The following SERPINB13 variants were observed in gnomAD, a reference collection of about 807,000 sequenced individuals.
SERPINB13 encodes serpin family B member 13.
SERPINB13 carries 26 observed loss-of-function variants against 31.2 expected under a neutral mutation model. The ratio of observed to expected loss-of-function variants is 0.83; its 90% CI spans 0.61 to 1.15. SERPINB13 has a LOEUF of 1.15. Among genes scored for constraint, SERPINB13 ranks in the 50% most tolerant of loss-of-function variants. The pLI is 0.00. For missense variants in SERPINB13, 510 were observed against 469.4 expected, an observed-to-expected ratio of 1.09 and a Z score of -0.80; for synonymous variants, 191 against 172.4, an observed-to-expected ratio of 1.11 and a Z score of -0.85.
intron 3 of SERPINB13, among the ~76,000 whole-genome samples, chr18:63,590,740 T>C (rs1307923495): frequency 6.6e-6 from 1 of 152,226 alleles, no homozygotes; most frequent in African/African-American, 2.4e-5. Flanking sequence ...TTCAGCTTTG[T>C]GTAAGGCAAA....
Position 63,595,158 on chromosome 18 carries a change from C to T in SERPINB13, c.745C>T (p.Pro249Ser). 1 of 1,613,352 alleles carries T rather than the reference C, an allele frequency of 6.2e-7. No individual in the cohort carries two copies. The highest frequency in any genetic ancestry group is 2.2e-5 in the East Asian group (1 of 44,872). Residue 249 changes from proline to serine, a missense_variant, in exon 7 of 8, where the codon CCC becomes TCC. Transcript: ENST00000344731. ...CGACCTAAGCATGTTTGTGCTTCTG[C>T]CCAACGACATCGATGGCCTGGAGAA... is the stretch of plus-strand genomic sequence containing the variant. ...NNDLSMFVLLPNDIDGLEKII... is the reference protein window; with the variant it reads ...NNDLSMFVLLSNDIDGLEKII...
At position 63,597,288 on chromosome 18, in the gene SERPINB13, T is replaced by C. The variant is rs1013679760; in HGVS notation, c.1101T>C (p.Asn367=). 5.6e-6 allele frequency: 9 copies of C among 1,614,102 alleles called. No individual in the cohort carries two copies. In the African/African-American group the frequency reaches 1.2e-4, roughly 22 times the overall value. ...CAGGTCATGAAAATGTTCACTGCAA[T>C]CATCCCTTCCTGTTCTTCATCAGGC... ...SAPGHENVHC[N]HPFLFFIRHN... is the part of the protein sequence containing the mutation. Residue 367 remains asparagine (N), a synonymous_variant, in exon 8 of 8, where the codon AAT becomes AAC. Transcript: ENST00000344731.
intron 7 of SERPINB13, among the ~76,000 whole-genome samples, chr18:63,596,150 C>T (rs1202825771): frequency 6.6e-6 from 1 of 152,074 alleles, no homozygotes; most frequent in Non-Finnish European, 1.5e-5. Context: ...GGGTCTAGGA[C>T]ATAGAAAGCA....
At chr18:63,588,159 A>T (rs1280836723) in intron 1 of SERPINB13, among the ~76,000 whole-genome samples, 1 of 152,182 alleles carries the variant, frequency 6.6e-6, no homozygotes, top group African/African-American at 2.4e-5. Context: ...TCAGATAAGG[A>T]TTCAAGTCTC....
At chr18:63,590,285 G>A (rs184291972) in intron 3 of SERPINB13, among the ~76,000 whole-genome samples, 37 of 152,190 alleles carry the variant, frequency 2.4e-4, no homozygotes, top group South Asian at 4.1e-4. Context: ...TCCTGTATTC[G>A]CCATCCAAAG....
rs533391718 is a variant in SERPINB13 at position 63,598,140 on chromosome 18, C to T, written c.*777C>T. On this transcript the variant is annotated 3_prime_UTR_variant, in exon 8 of 8. Transcript: ENST00000344731. Reference sequence around the variant, plus strand: ...TTTTTTTTTTTTTTTGAGTGAGGTACGAGTATTACCAAATGATATTTTCTG... The same window carrying T: ...TTTTTTTTTTTTTTTGAGTGAGGTATGAGTATTACCAAATGATATTTTCTG... 54 of 146,038 alleles carry T rather than the reference C, an allele frequency of 3.7e-4. No homozygotes were observed. Among genetic ancestry groups the T allele is most frequent in the African/African-American group, 1.2e-3 (46 of 39,556 alleles). The allele number at this position is 146,038 out of a possible 1,614,324, so 9.0% of individuals were successfully genotyped here.
In SERPINB13 at chr18:63,587,418, G is replaced by C. The variant is rs1180941488; in HGVS notation, c.-50G>C. ...ATTGACTTATGCTTCCTAGTTCGTTGCCCAGCCACCACCGTCTCTCCAAAA... is the reference window on the plus strand; with the variant it reads ...ATTGACTTATGCTTCCTAGTTCGTTCCCCAGCCACCACCGTCTCTCCAAAA... On this transcript the variant is annotated 5_prime_UTR_variant, in exon 1 of 8. Transcript: ENST00000344731. 1 of 470,856 alleles carries C rather than the reference G, an allele frequency of 2.1e-6. No homozygotes were observed. Among genetic ancestry groups the C allele is most frequent in the Non-Finnish European group, 4.4e-6 (1 of 226,974 alleles). 29.2% of individuals were successfully genotyped at this position (470,856 alleles called of 1,614,324 possible).
At position 63,588,672 on chromosome 18, in the gene SERPINB13, A is replaced by C. The variant is rs766607889; in HGVS notation, c.5A>C (p.Asp2Ala). Residue 2 changes from aspartate to alanine, a missense_variant, in exon 2 of 8, where the codon GAT becomes GCT. By Grantham distance (126) the Asp-to-Ala change is moderately radical. Transcript: ENST00000344731. M[D>A]SLGAVSTRLG... ...CTAGGTCTCGCTAAAATCATCATGG[A>C]TTCACTTGGCGCCGTCAGCACTCGA... is the stretch of plus-strand genomic sequence containing the variant. 1 of 1,614,118 alleles carries C rather than the reference A, an allele frequency of 6.2e-7. No homozygotes were observed. The highest frequency in any genetic ancestry group is 8.5e-7 in the Non-Finnish European group (1 of 1,179,984).
Position 63,589,685 on chromosome 18 carries a change from C to G in SERPINB13, c.195C>G (p.Ser65Arg), listed in dbSNP as rs780254203. Residue 65 changes from serine to arginine, a missense_variant, in exon 3 of 8, where the codon AGC (serine) becomes AGG (arginine). Coordinates refer to ENST00000344731, the MANE Select transcript of SERPINB13 (RefSeq NM_012397.4). Reference sequence around the variant, plus strand: ...TTCACTCTGAAAAAGAGACGAAGAGCTCAAGAATAAAGGCTGAAGAAAAAG... The same window carrying G: ...TTCACTCTGAAAAAGAGACGAAGAGGTCAAGAATAAAGGCTGAAGAAAAAG... ...EVFHSEKETK[S>R]SRIKAEEKEV... is the part of the protein sequence containing the mutation. 5 of 1,613,224 alleles carry G rather than the reference C, an allele frequency of 3.1e-6. No homozygotes were observed. The highest frequency in any genetic ancestry group is 4.2e-6 in the Non-Finnish European group (5 of 1,179,554).
intron 7 of SERPINB13, among the ~76,000 whole-genome samples, chr18:63,595,931 T>C (rs1037348667): frequency 3.3e-5 from 5 of 150,264 alleles, no homozygotes; most frequent in Non-Finnish European, 7.4e-5. Flanking sequence ...AATAAATAAA[T>C]AAATAAATAA....
intron 5 of SERPINB13, among the ~76,000 whole-genome samples, chr18:63,593,861 T>A (rs982064698): frequency 6.6e-6 from 1 of 152,362 alleles, no homozygotes; most frequent in South Asian, 2.1e-4. Flanking sequence ...TCCAATATAA[T>A]AAGTAATCCC....
Position 63,592,387 on chromosome 18 carries a change from T to G in SERPINB13, c.265T>G (p.Phe89Val). ...AGCAGTACATCAACAATTCCAAAAG[T>G]TTTTGACTGAAATAAGCAAACTCAC... ...TEAVHQQFQK[F>V]LTEISKLTND... Residue 89 changes from phenylalanine (F) to valine (V), a missense_variant, in exon 4 of 8, where the codon TTT becomes GTT. Coordinates refer to ENST00000344731, the MANE Select transcript of SERPINB13 (RefSeq NM_012397.4). 2.5e-6 allele frequency: 4 copies of G among 1,612,084 alleles called. No homozygotes were observed. The highest frequency in any genetic ancestry group is 3.4e-6 in the Non-Finnish European group (4 of 1,179,084).
Position 63,597,697 on chromosome 18 carries a change from AT to A in SERPINB13, c.*338del, listed in dbSNP as rs1282292948. ...CTCCAGTAAAGAGTACGAACTAGTA[AT>A]TTTGGGGGGTCTCTCTAATTCTGGT... is the stretch of plus-strand genomic sequence containing the variant. On this transcript the variant is annotated 3_prime_UTR_variant, in exon 8 of 8. Transcript: ENST00000344731. 1 of 203,476 alleles carries A rather than the reference AT, an allele frequency of 4.9e-6. No homozygotes were observed. Among genetic ancestry groups the A allele is most frequent in the African/African-American group, 2.3e-5 (1 of 43,820 alleles). The allele number at this position is 203,476 out of a possible 1,614,324, so 12.6% of individuals were successfully genotyped here. A position where few individuals can be genotyped will look rare whatever the true frequency, so the allele number is the denominator to read the frequency against.
At chr18:63,588,316 A>T (rs922621594) in intron 1 of SERPINB13, among the ~76,000 whole-genome samples, 1 of 152,160 alleles carries the variant, frequency 6.6e-6, no homozygotes. Context: ...CTACCTGGGG[A>T]AGCTTCCATG....
chr18:63,592,599 C>T (rs1210814855), intron 4 of SERPINB13, 123 bp downstream of exon 4: 2 of 1,005,672 alleles, frequency 2.0e-6, no homozygotes, highest in Non-Finnish European at 2.9e-6. Flanking sequence ...GGTGCTTTTC[C>T]ATCCTGATCT....
chr18:63,589,677 A>G lies in SERPINB13; in HGVS notation c.187A>G (p.Thr63Ala). ...CCAGGTGTTTCACTCTGAAAAAGAG[A>G]CGAAGAGCTCAAGAATAAAGGCTGA... ...LEEVFHSEKE[T>A]KSSRIKAEEK... The change falls in exon 3 of 8, where the codon ACG becomes GCG. Residue 63 changes from threonine to alanine, a missense_variant. Transcript: ENST00000344731. The G allele has an allele frequency of 1.2e-6, 2 of 1,613,956 alleles. No individual in the cohort carries two copies. Among genetic ancestry groups the G allele is most frequent in the Non-Finnish European group, 1.7e-6 (2 of 1,179,898 alleles).
In SERPINB13 at chr18:63,589,679, G is replaced by A. The variant is rs61751997; in HGVS notation, c.189G>A (p.Thr63=). The change falls in exon 3 of 8, where the codon ACG becomes ACA. Residue 63 remains threonine, a synonymous_variant. Transcript: ENST00000344731. ...AGGTGTTTCACTCTGAAAAAGAGAC[G>A]AAGAGCTCAAGAATAAAGGCTGAAG... The part of the protein sequence containing the change: ...LEEVFHSEKE[T]KSSRIKAEEK... 11,560 of 1,613,532 alleles carry A rather than the reference G, an allele frequency of 7.2e-3. 53 individuals are homozygous for A. The highest frequency in any genetic ancestry group is 8.5e-3 in the Non-Finnish European group (10,058 of 1,179,708).
intron 7 of SERPINB13, 86 bp from the exon 8 acceptor site, chr18:63,596,873 A>T (rs920761882): frequency 3.6e-6 from 4 of 1,100,738 alleles, no homozygotes; most frequent in Admixed American, 2.4e-5. Context: ...AAAATTAATA[A>T]CTTCTGACTG....
Position 63,588,645 on chromosome 18 carries a change from T to G in SERPINB13, c.-17-6T>G, listed in dbSNP as rs371569177. ...TCAGTTTTGATTGTTGTTCTTGCTA[T>G]TCTAGGTCTCGCTAAAATCATCATG... On this transcript the variant is annotated splice_polypyrimidine_tract_variant and splice_region_variant and intron_variant, in intron 1 of 7. Coordinates refer to ENST00000344731, the MANE Select transcript of SERPINB13 (RefSeq NM_012397.4). 57 of 1,613,710 alleles carry G rather than the reference T, an allele frequency of 3.5e-5. No individual in the cohort carries two copies. Among genetic ancestry groups the G allele is most frequent in the Non-Finnish European group, 4.6e-5 (54 of 1,179,732 alleles).
Sources: gnomAD v4.1 joint callset for allele counts (sites outside exome capture counted in the v4.1 genomes callset) on GRCh38, gnomAD v4.1.1 for gene constraint, MANE v1.5 for transcripts, NCBI Gene and HGNC (gene_info 2026-07-23, HGNC 2026-07-21) for gene names.